The following NELL2 variants were observed in gnomAD, a reference collection of about 807,000 sequenced individuals.
The protein encoded by NELL2 is neural EGFL like 2.
In NELL2, 41 loss-of-function variants were observed where a neutral mutation model predicts 109.6. The ratio of observed to expected loss-of-function variants is 0.37; its 90% CI spans 0.29 to 0.49. The LOEUF (loss-of-function observed/expected upper bound fraction) is 0.49. Among genes scored for constraint, NELL2 ranks in the 20% least tolerant of loss-of-function variants. The pLI is 0.98. For missense variants in NELL2, 900 were observed against 1,008.3 expected, an observed-to-expected ratio of 0.89 and a Z score of 1.45; for synonymous variants, 355 against 344.7, an observed-to-expected ratio of 1.03 and a Z score of -0.33.
At chr12:44,647,044 G>A (rs945242689) in intron 13 of NELL2, among the ~76,000 whole-genome samples, 6 of 152,288 alleles carry the variant, frequency 3.9e-5, no homozygotes, top group South Asian at 2.1e-4. Flanking sequence ...ACCCTGGGGC[G>A]TTCTGCTCAA....
intron 1 of NELL2, among the ~76,000 whole-genome samples, chr12:44,898,176 C>T (rs1310068096): frequency 3.9e-5 from 6 of 152,140 alleles, no homozygotes; most frequent in Admixed American, 1.3e-4. Context: ...TGGCTGTGGG[C>T]GCAGCTTCAG....
chr12:44,795,974 T>C (rs1008480496), intron 3 of NELL2, among the ~76,000 whole-genome samples: 5 of 152,120 alleles, frequency 3.3e-5, no homozygotes, highest in African/African-American at 1.2e-4. Context: ...GACAGTATAA[T>C]GCAGCAATTT....
chr12:44,744,715 A>T (rs558303883), intron 9 of NELL2, among the ~76,000 whole-genome samples: 16 of 152,222 alleles, frequency 1.1e-4, no homozygotes, highest in Non-Finnish European at 2.4e-4. Flanking sequence ...GAAATGGATA[A>T]ATTCCTCGAC....
chr12:44,844,324 G>T (rs187728063), intron 2 of NELL2, among the ~76,000 whole-genome samples: 2 of 152,144 alleles, frequency 1.3e-5, no homozygotes, highest in African/African-American at 4.8e-5. Flanking sequence ...AAACAAGTTG[G>T]GATATATTTA....
chr12:44,718,560 T>C (rs968639730), intron 9 of NELL2, among the ~76,000 whole-genome samples: 1 of 152,198 alleles, frequency 6.6e-6, no homozygotes, highest in Admixed American at 6.5e-5. Flanking sequence ...TTCTTTATGA[T>C]GTAACTTTGG....
In NELL2 at chr12:44,549,266, C is replaced by T. The variant is rs558642407; in HGVS notation, c.1664-16545G>A. 9.9e-5 allele frequency among the ~76,000 whole-genome samples: 15 copies of T among 152,234 alleles called. 1 individual carries two copies. In the East Asian group the frequency reaches 2.7e-3, roughly 27 times the overall value. Reference sequence around the variant, plus strand: ...TCCTTGTTGGCACATAGCTAGACTACATGAGTTTCAGAAAGTGGAATATGA... The same window carrying T: ...TCCTTGTTGGCACATAGCTAGACTATATGAGTTTCAGAAAGTGGAATATGA... On this transcript the variant is annotated intron_variant, in intron 15 of 19. Coordinates refer to ENST00000429094, the MANE Select transcript of NELL2 (RefSeq NM_001145108.2).
intron 15 of NELL2, among the ~76,000 whole-genome samples, chr12:44,592,036 G>C (rs1006652620): frequency 2.0e-4 from 30 of 152,124 alleles, no homozygotes; most frequent in Non-Finnish European, 3.7e-4. Context: ...AGAGTTTTTC[G>C]GAAGAGTGGT....
chr12:44,643,997 A>G (rs751095104), intron 13 of NELL2, among the ~76,000 whole-genome samples: 2 of 152,202 alleles, frequency 1.3e-5, no homozygotes, highest in Non-Finnish European at 2.9e-5. Flanking sequence ...GATGTTTGAT[A>G]GGACAAGACA....
At chr12:44,816,192 C>A in intron 2 of NELL2, 56 bp from the exon 3 acceptor site, 1 of 1,421,302 alleles carries the variant, frequency 7.0e-7, no homozygotes. Context: ...TATGAAGTAT[C>A]TTTTACATGT....
At chr12:44,563,685 G>A (rs1943555154) in intron 15 of NELL2, among the ~76,000 whole-genome samples, 1 of 152,148 alleles carries the variant, frequency 6.6e-6, no homozygotes, top group South Asian at 2.1e-4. Context: ...GAATCTTCTA[G>A]TGCCCTGGGG....
intron 15 of NELL2, among the ~76,000 whole-genome samples, chr12:44,545,345 G>C (rs1216593752): frequency 2.0e-5 from 3 of 152,000 alleles, no homozygotes; most frequent in Non-Finnish European, 4.4e-5. Flanking sequence ...CGAGTTCAGA[G>C]GAGGAAATCC....
intron 9 of NELL2, among the ~76,000 whole-genome samples, chr12:44,728,204 A>G (rs1939181183): frequency 6.6e-6 from 1 of 152,152 alleles, no homozygotes; most frequent in African/African-American, 2.4e-5. Context: ...GAGCTCAGGA[A>G]ACTGATACAT....
rs546033928 is a variant in NELL2, at chr12:44,860,354, T to C, written c.184+14871A>G. Among the ~76,000 whole-genome samples, 3 of 152,332 alleles carry C rather than the reference T, an allele frequency of 2.0e-5. No homozygotes were observed. In the South Asian group the frequency reaches 6.2e-4, roughly 32 times the overall value. On this transcript the variant is annotated intron_variant, in intron 2 of 19. Transcript: ENST00000429094. ...TGCTAATGTTCAAGATATATATTAG[T>C]TTTCTATTTCTGCTGTAACAAATAC...
At chr12:44,861,597 C>T (rs1944845615) in intron 2 of NELL2, among the ~76,000 whole-genome samples, 1 of 152,174 alleles carries the variant, frequency 6.6e-6, no homozygotes, top group Admixed American at 6.5e-5. Flanking sequence ...CTGTCCCAGG[C>T]TTCAGGCCTA....
intron 1 of NELL2, among the ~76,000 whole-genome samples, chr12:44,896,711 G>C (rs890162860): frequency 6.6e-6 from 1 of 152,164 alleles, no homozygotes; most frequent in Non-Finnish European, 1.5e-5. Flanking sequence ...AATTTTCAGA[G>C]GAGGGAGTGT....
At chr12:44,685,946 A>C (rs1948702874) in intron 12 of NELL2, among the ~76,000 whole-genome samples, 1 of 151,974 alleles carries the variant, frequency 6.6e-6, no homozygotes, top group South Asian at 2.1e-4. Flanking sequence ...ATATTTCCTG[A>C]ATCTGAATGT....
intron 13 of NELL2, among the ~76,000 whole-genome samples, chr12:44,618,116 A>G (rs1945908164): frequency 6.6e-6 from 1 of 152,174 alleles, no homozygotes. Context: ...TTTAACAGAA[A>G]TCTATTTTTA....
intron 2 of NELL2, among the ~76,000 whole-genome samples, chr12:44,858,660 A>G (rs1319738229): frequency 6.6e-6 from 1 of 152,232 alleles, no homozygotes. Context: ...AGTATTCACC[A>G]ATAAGTTGTT....
chr12:44,623,972 A>G (rs952427400), intron 13 of NELL2, among the ~76,000 whole-genome samples: 1 of 150,558 alleles, frequency 6.6e-6, no homozygotes, highest in Non-Finnish European at 1.5e-5. Flanking sequence ...AACATCACAC[A>G]CCAGGGCTTG....
Sources: allele counts gnomAD v4.1 joint callset (sites outside exome capture counted in the v4.1 genomes callset), GRCh38; gene constraint gnomAD v4.1.1; transcripts MANE v1.5; gene names NCBI Gene and HGNC (gene_info 2026-07-23, HGNC 2026-07-21).